CTNNA2: variants seen among roughly 807,000 people sequenced by gnomAD.
CTNNA2 encodes the protein catenin alpha 2, also known as catenin alpha-2.
CTNNA2 carries 42 observed loss-of-function variants against 101.0 expected under a neutral mutation model. The observed-to-expected ratio is 0.42, with a 90% CI of 0.32 to 0.54. The LOEUF (loss-of-function observed/expected upper bound fraction) is 0.54. Ranked by LOEUF, CTNNA2 falls within the 20% of genes least tolerant of loss-of-function variation. CTNNA2 has a pLI of 0.14. For synonymous variants in CTNNA2, 450 were observed against 456.4 expected, an observed-to-expected ratio of 0.99 and a Z score of 0.18; for missense variants, 871 against 1,223.1, an observed-to-expected ratio of 0.71 and a Z score of 4.29.
At chr2:79,215,195 C>T (rs1249218138) in intron 2 of CTNNA2, among the ~76,000 whole-genome samples, 1 of 152,104 alleles carries the variant, frequency 6.6e-6, no homozygotes, top group Non-Finnish European at 1.5e-5. Flanking sequence ...TCAGTGGGGT[C>T]CTGCACAGAT....
At chr2:80,168,533 A>G (rs1214467181) in intron 7 of CTNNA2, among the ~76,000 whole-genome samples, 2 of 151,860 alleles carry the variant, frequency 1.3e-5, no homozygotes, top group Non-Finnish European at 2.9e-5. Context: ...TCACCTTCCT[A>G]CTATTCTCAC....
At position 80,481,909 on chromosome 2, in the gene CTNNA2, G is replaced by C. The variant is rs1021891463; in HGVS notation, c.1290+62308G>C. Among the ~76,000 whole-genome samples, 197 of 152,086 alleles carry C rather than the reference G, an allele frequency of 1.3e-3. 2 individuals carry two copies. The highest frequency in any genetic ancestry group is 8.8e-5 in the Non-Finnish European group (6 of 67,978). On this transcript the variant is annotated intron_variant, in intron 9 of 18. Transcript: ENST00000402739. ...AAGGTAAACAAGTGTCTACTTGTTG[G>C]AAAAAACAATTGTAATTTCCCAAGA...
At chr2:79,431,002 G>A (rs919901252) in intron 4 of CTNNA2, among the ~76,000 whole-genome samples, 1 of 152,140 alleles carries the variant, frequency 6.6e-6, no homozygotes, top group African/African-American at 2.4e-5. Flanking sequence ...TGGAAAGGAA[G>A]CCAAGCATTG....
At chr2:79,875,730 G>C (rs187511786) in intron 6 of CTNNA2, among the ~76,000 whole-genome samples, 3,885 of 151,642 alleles carry the variant, frequency 0.026, 72 homozygotes, top group African/African-American at 0.05. Flanking sequence ...TATTTCCTAA[G>C]GTTTTTTTTG....
intron 7 of CTNNA2, among the ~76,000 whole-genome samples, chr2:80,083,068 T>A (rs1170862795): frequency 6.6e-6 from 1 of 152,084 alleles, no homozygotes; most frequent in Non-Finnish European, 1.5e-5. Flanking sequence ...TTCAGTTACC[T>A]CCCTCCTTCT....
rs999803926 is a variant in CTNNA2, at chr2:79,290,277, G to A, written c.-405-22432G>A. Among the ~76,000 whole-genome samples, 118 of 152,216 alleles carry A rather than the reference G, an allele frequency of 7.8e-4. 1 individual carries two copies. The highest frequency in any genetic ancestry group is 1.9e-4 in the Non-Finnish European group (13 of 68,010). On this transcript the variant is annotated intron_variant, in intron 2 of 21. Coordinates refer to the CTNNA2 transcript ENST00000466387. ...TGGGTATGTTGATTAATAGAGCATT[G>A]GTTACTGATCAAATACAGAGCACAG...
chr2:79,238,740 A>T (rs1674587813), intron 2 of CTNNA2, among the ~76,000 whole-genome samples: 3 of 152,198 alleles, frequency 2.0e-5, no homozygotes. Context: ...TAGTGTTTTA[A>T]GATTATGTTG....
intron 6 of CTNNA2, among the ~76,000 whole-genome samples, chr2:79,890,193 G>C (rs145920892): frequency 6.6e-6 from 1 of 152,308 alleles, no homozygotes; most frequent in East Asian, 1.9e-4. Flanking sequence ...ATAAAGAGGA[G>C]CGAATGGCAG....
At chr2:80,354,275 A>G (rs1477972839) in intron 7 of CTNNA2, among the ~76,000 whole-genome samples, 1 of 152,156 alleles carries the variant, frequency 6.6e-6, no homozygotes, top group African/African-American at 2.4e-5. Context: ...GGAAGTGTAC[A>G]TGTAGGAGGG....
chr2:80,201,615 T>A (rs1046701880), intron 7 of CTNNA2, among the ~76,000 whole-genome samples: 15 of 152,078 alleles, frequency 9.9e-5, no homozygotes, highest in Admixed American at 3.3e-4. Flanking sequence ...GACCTCGTAA[T>A]CCGCCTGCCT....
At chr2:79,334,745 A>G (rs1424485109) in intron 3 of CTNNA2, among the ~76,000 whole-genome samples, 1 of 152,150 alleles carries the variant, frequency 6.6e-6, no homozygotes, top group Non-Finnish European at 1.5e-5. Flanking sequence ...TGGCAAGGAG[A>G]GAACTGATAA....
intron 3 of CTNNA2, among the ~76,000 whole-genome samples, chr2:79,749,239 C>T (rs1176407064): frequency 6.6e-6 from 1 of 152,070 alleles, no homozygotes; most frequent in Non-Finnish European, 1.5e-5. Context: ...TTCCCTAGCT[C>T]AGCAGACACA....
At chr2:80,008,864 G>A (rs1693566230) in intron 7 of CTNNA2, among the ~76,000 whole-genome samples, 1 of 152,150 alleles carries the variant, frequency 6.6e-6, no homozygotes, top group Non-Finnish European at 1.5e-5. Flanking sequence ...ATTTTAATCA[G>A]TCCCTTATTT....
At chr2:80,376,133 A>G (rs1338867901) in intron 7 of CTNNA2, among the ~76,000 whole-genome samples, 3 of 151,754 alleles carry the variant, frequency 2.0e-5, no homozygotes, top group Non-Finnish European at 4.4e-5. Flanking sequence ...CTCTACCATT[A>G]TTTGATTTTT....
chr2:80,562,529 G>A (rs992000240), intron 12 of CTNNA2, among the ~76,000 whole-genome samples: 4 of 152,138 alleles, frequency 2.6e-5, no homozygotes, highest in African/African-American at 4.8e-5. Flanking sequence ...GCAAAATGGA[G>A]GAAATTTGAC....
chr2:79,521,076 T>C (rs1390824933), intron 1 of CTNNA2, among the ~76,000 whole-genome samples: 2 of 129,298 alleles, frequency 1.5e-5, no homozygotes, highest in African/African-American at 5.8e-5. Context: ...TATTTGAAAG[T>C]TACCCCTTTG....
At chr2:80,199,446 A>C (rs1216700550) in intron 7 of CTNNA2, among the ~76,000 whole-genome samples, 1 of 152,142 alleles carries the variant, frequency 6.6e-6, no homozygotes, top group Non-Finnish European at 1.5e-5. Context: ...TTCTAAGATC[A>C]TCTCTGTCTT....
chr2:79,953,859 T>C lies in CTNNA2; in HGVS notation c.1056+44062T>C, dbSNP rs1234221495. On this transcript the variant is annotated intron_variant, in intron 7 of 18. Transcript: ENST00000402739. Reference sequence around the variant, plus strand: ...AGCTCAGTGCTTATTCACTAATTTTTAGGTCAGGTAGTTAGAATGAGGGCC... The same window carrying C: ...AGCTCAGTGCTTATTCACTAATTTTCAGGTCAGGTAGTTAGAATGAGGGCC... Among the ~76,000 whole-genome samples, 3 of 152,350 alleles carry C rather than the reference T, an allele frequency of 2.0e-5. No individual in the cohort carries two copies. The South Asian group carries it at 6.2e-4, about 32-fold the overall frequency.
At position 80,098,698 on chromosome 2, in the gene CTNNA2, G is replaced by A. The variant is rs557456084; in HGVS notation, c.1056+188901G>A. Among the ~76,000 whole-genome samples the A allele has an allele frequency of 2.4e-3, 365 of 152,238 alleles. 3 individuals are homozygous for A. Among genetic ancestry groups the A allele is most frequent in the African/African-American group, 8.3e-3 (344 of 41,556 alleles). ...CGCTTTGTTTACCTACTCAAGCCTC[G>A]GAAATGGCAGGCGCCCCTCCCCCAG... On this transcript the variant is annotated intron_variant, in intron 7 of 18. Coordinates refer to ENST00000402739, the MANE Select transcript of CTNNA2 (RefSeq NM_001282597.3).
Sources: allele counts gnomAD v4.1 joint callset (sites outside exome capture counted in the v4.1 genomes callset), GRCh38; gene constraint gnomAD v4.1.1; transcripts MANE v1.5; gene names NCBI Gene and HGNC (gene_info 2026-07-23, HGNC 2026-07-21).